Variants in CCKAR observed in about 807,000 individuals in gnomAD.
CCKAR encodes cholecystokinin A receptor.
CCKAR carries 21 observed loss-of-function variants against 29.8 expected under a neutral mutation model. That is an observed-to-expected ratio of 0.70 (90% confidence interval 0.50 to 1.01). The LOEUF (loss-of-function observed/expected upper bound fraction) is 1.01. Ranked by LOEUF, CCKAR falls within the 50% of genes least tolerant of loss-of-function variation. The pLI is 0.00. For synonymous variants in CCKAR, 238 were observed against 221.3 expected (o/e 1.08, Z -0.67); for missense variants, 570 against 560.6 (o/e 1.02, Z -0.17).
chr4:26,486,415 A>T (rs932730744), intron 2 of CCKAR, among the ~76,000 whole-genome samples: 3 of 152,238 alleles, frequency 2.0e-5, no homozygotes, highest in African/African-American at 7.2e-5. Context: ...CTTAATAGTG[A>T]AACAATCTAT....
chr4:26,481,707 G>T lies in CCKAR; in HGVS notation c.1218C>A (p.Gly406=). The change falls in exon 5 of 5, where the codon GGC becomes GGA. Residue 406 remains glycine (G), a synonymous_variant. Coordinates refer to ENST00000295589, the MANE Select transcript of CCKAR (RefSeq NM_000730.3). ...TGGACAGAGAGGCTCCTGTGGTCCCGCCTTCCTCCTCCTCCCCCACCTCTC... is the reference window on the plus strand; with the variant it reads ...TGGACAGAGAGGCTCCTGTGGTCCCTCCTTCCTCCTCCTCCCCCACCTCTC... ...ARGEVGEEEE[G]GTTGASLSRF... The T allele has an allele frequency of 6.2e-7, 1 of 1,614,180 alleles. No homozygotes were observed. Among genetic ancestry groups the T allele is most frequent in the South Asian group, 1.1e-5 (1 of 91,064 alleles).
chr4:26,481,450 A>T lies in CCKAR; in HGVS notation c.*188T>A, dbSNP rs200912014. Reference sequence around the variant, plus strand: ...GCTTTGAACTGCCTAGAAACCAATCATGGCCCCACTGGAGCAGTGCTCTGG... The same window carrying T: ...GCTTTGAACTGCCTAGAAACCAATCTTGGCCCCACTGGAGCAGTGCTCTGG... On this transcript the variant is annotated 3_prime_UTR_variant, in exon 5 of 5. Coordinates refer to ENST00000295589, the MANE Select transcript of CCKAR (RefSeq NM_000730.3). 7 of 653,400 alleles carry T rather than the reference A, an allele frequency of 1.1e-5. No homozygotes were observed. The highest frequency in any genetic ancestry group is 1.8e-5 in the African/African-American group (1 of 55,012). The allele number at this position is 653,400 out of a possible 1,614,324, so 40.5% of individuals were successfully genotyped here.
At chr4:26,489,197 GGCAA>G (rs1560370147) in intron 2 of CCKAR, 32 bp downstream of exon 2, 1 of 1,612,196 alleles carries the variant, frequency 6.2e-7, no homozygotes, top group Non-Finnish European at 8.5e-7. Flanking sequence ...TGGGGTCTGG[GGCAA>G]GCTCCAGAAA....
In CCKAR at chr4:26,490,287, C is replaced by G. The variant is rs780266352; in HGVS notation, c.-20G>C. On this transcript the variant is annotated 5_prime_UTR_variant, in exon 1 of 5. Coordinates refer to ENST00000295589, the MANE Select transcript of CCKAR (RefSeq NM_000730.3). ...ATCCATCCTTGCCTGCTGCTTTCCA[C>G]CAAGTGCTGGAGAGCTGGTGAATTG... is the stretch of plus-strand genomic sequence containing the variant. 6.6e-7 allele frequency: 1 copy of G among 1,508,376 alleles called. No individual in the cohort carries two copies. The highest frequency in any genetic ancestry group is 2.3e-5 in the East Asian group (1 of 44,366). 93.4% of individuals were successfully genotyped at this position (1,508,376 alleles called of 1,614,324 possible).
At chr4:26,489,582 A>G (rs776704711) in intron 1 of CCKAR, 98 bp from the exon 2 acceptor site, 3 of 1,378,288 alleles carry the variant, frequency 2.2e-6, no homozygotes, top group Non-Finnish European at 3.0e-6. Context: ...TTTTCCCCCC[A>G]CCGGGGTGTA....
At position 26,481,780 on chromosome 4, in the gene CCKAR, A is replaced by G; in HGVS notation, c.1145T>C (p.Met382Thr). 1 of 1,614,046 alleles carries G rather than the reference A, an allele frequency of 6.2e-7. No individual in the cohort carries two copies. Among genetic ancestry groups the G allele is most frequent in the Non-Finnish European group, 8.5e-7 (1 of 1,179,968 alleles). The change falls in exon 5 of 5, where the codon ATG becomes ACG. Residue 382 changes from methionine to threonine, a missense_variant. Transcript: ENST00000295589. ...ATTGGGGCAGCAGGGGAAGGTGGCCATGAAGCCGAGGCGGAAGCGTTTGTT... is the reference window on the plus strand; with the variant it reads ...ATTGGGGCAGCAGGGGAAGGTGGCCGTGAAGCCGAGGCGGAAGCGTTTGTT... ...FMNKRFRLGF[M>T]ATFPCCPNPG...
At chr4:26,485,045 T>A (rs927943498) in intron 3 of CCKAR, among the ~76,000 whole-genome samples, 8 of 150,756 alleles carry the variant, frequency 5.3e-5, no homozygotes, top group Admixed American at 4.6e-4. Context: ...TGCAAAAAAA[T>A]TAGCCGGGCA....
In CCKAR at chr4:26,482,519, G is replaced by A. The variant is rs377734140; in HGVS notation, c.755-349C>T. Among the ~76,000 whole-genome samples, 13 of 152,278 alleles carry A rather than the reference G, an allele frequency of 8.5e-5. No homozygotes were observed. The East Asian group carries it at 9.7e-4, about 11-fold the overall frequency. ...GGGTAAGATTCCAGATTGCTTTTAT[G>A]ATGAGGAATCTGGATAAGAAGAAAA... On this transcript the variant is annotated intron_variant, in intron 4 of 4. Transcript: ENST00000295589.
At position 26,483,441 on chromosome 4, in the gene CCKAR, G is replaced by A. The variant is rs146283594; in HGVS notation, c.627-158C>T. Among the ~76,000 whole-genome samples, 60 of 152,320 alleles carry A rather than the reference G, an allele frequency of 3.9e-4. 1 individual carries two copies. The South Asian group carries it at 9.5e-3, about 24-fold the overall frequency. On this transcript the variant is annotated intron_variant, in intron 3 of 4. Coordinates refer to ENST00000295589, the MANE Select transcript of CCKAR (RefSeq NM_000730.3). ...TGGCAACTTCATGTCTGGAGATTCAGTCATTATAAGTTGTTTACTTCTTTT... is the reference window on the plus strand; with the variant it reads ...TGGCAACTTCATGTCTGGAGATTCAATCATTATAAGTTGTTTACTTCTTTT...
intron 2 of CCKAR, among the ~76,000 whole-genome samples, chr4:26,488,240 T>C (rs1282438689): frequency 6.6e-6 from 1 of 150,708 alleles, no homozygotes; most frequent in Non-Finnish European, 1.5e-5. Flanking sequence ...TGTGTTTTTT[T>C]GTTCAACTTT....
chr4:26,484,989 C>T (rs886908834), intron 3 of CCKAR, among the ~76,000 whole-genome samples: 5 of 151,614 alleles, frequency 3.3e-5, no homozygotes, highest in Admixed American at 2.0e-4. Context: ...GTCAGGAGTT[C>T]GAAACCAGCC....
At position 26,485,734 on chromosome 4, in the gene CCKAR, G is replaced by A. The variant is rs201762260; in HGVS notation, c.529C>T (p.Pro177Ser). 3 of 1,614,002 alleles carry A rather than the reference G, an allele frequency of 1.9e-6. No individual in the cohort carries two copies. Among genetic ancestry groups the A allele is most frequent in the African/African-American group, 2.7e-5 (2 of 74,880 alleles). Reference protein sequence around the residue: ...CLSFTIMTPYPIYSNLVPFTK... With the variant: ...CLSFTIMTPYSIYSNLVPFTK... ...AAAGGCACCAAGTTGCTATAAATGG[G>A]GTACGGAGTCATGATGGTAAAGGAA... Residue 177 changes from proline (P) to serine (S), a missense_variant, in exon 3 of 5, where the codon CCC becomes TCC. Coordinates refer to ENST00000295589, the MANE Select transcript of CCKAR (RefSeq NM_000730.3).
intron 2 of CCKAR, 52 bp from the exon 3 acceptor site, chr4:26,485,950 A>T: frequency 6.4e-7 from 1 of 1,551,506 alleles, no homozygotes; most frequent in South Asian, 1.2e-5. Flanking sequence ...TCCAAAGTTT[A>T]TTTGCACATT....
intron 2 of CCKAR, 138 bp downstream of exon 2, chr4:26,489,095 A>T: frequency 9.2e-7 from 1 of 1,085,992 alleles, no homozygotes; most frequent in Non-Finnish European, 1.4e-6. Context: ...GTCCGTGCAC[A>T]CAGCCATGCA....
At chr4:26,483,111 C>G (rs1459764768) in intron 4 of CCKAR, 45 bp downstream of exon 4, 2 of 1,594,186 alleles carry the variant, frequency 1.3e-6, no homozygotes, top group Admixed American at 3.5e-5. Context: ...AGAAAACAAG[C>G]TTTTGTGCTC....
rs761118233 is a variant in CCKAR, at chr4:26,485,837, C to T, written c.426G>A (p.Ala142=). ...LVAISLERYG[A]ICKPLQSRVW... ...CCCGGGACTGTAAGGGTTTGCAAAT[C>T]GCACCATATCTCTCTAGAGATATGG... The change falls in exon 3 of 5, where the codon GCG becomes GCA. Residue 142 remains alanine (A), a synonymous_variant. Coordinates refer to ENST00000295589, the MANE Select transcript of CCKAR (RefSeq NM_000730.3). The T allele has an allele frequency of 2.5e-6, 4 of 1,613,816 alleles. No homozygotes were observed. Among genetic ancestry groups the T allele is most frequent in the African/African-American group, 1.3e-5 (1 of 74,994 alleles).
Position 26,481,971 on chromosome 4 carries a change from GA to G in CCKAR, c.953del (p.Ile318ThrfsTer56). The G allele has an allele frequency of 6.2e-7, 1 of 1,614,238 alleles. No homozygotes were observed. The highest frequency in any genetic ancestry group is 1.3e-5 in the African/African-American group (1 of 75,062). On this transcript the variant is annotated frameshift_variant, in exon 5 of 5. Transcript: ENST00000295589. LOFTEE classifies it high-confidence loss of function. ...KKRVIRMLIV[I>X]VVLFFLCWMP... Reference sequence around the variant, plus strand: ...TCCAGCACAGGAAGAAGAGGACCACGATGACGATGAGCATGCGGATCACCCT... The same window carrying G: ...TCCAGCACAGGAAGAAGAGGACCACGTGACGATGAGCATGCGGATCACCCT...
chr4:26,483,309 A>C, intron 3 of CCKAR, 26 bp from the exon 4 acceptor site: 1 of 1,610,198 alleles, frequency 6.2e-7, no homozygotes, highest in Non-Finnish European at 8.5e-7. Flanking sequence ...GAAATCCAAT[A>C]ACCAGCAACT....
intron 2 of CCKAR, among the ~76,000 whole-genome samples, chr4:26,487,303 G>C (rs1274111729): frequency 6.6e-6 from 1 of 152,098 alleles, no homozygotes; most frequent in African/African-American, 2.4e-5. Flanking sequence ...GCTTTCCTTA[G>C]AGTCTTAAAA....
Sources: gnomAD v4.1 joint callset for allele counts (sites outside exome capture counted in the v4.1 genomes callset) on GRCh38, gnomAD v4.1.1 for gene constraint, MANE v1.5 for transcripts, NCBI Gene and HGNC (gene_info 2026-07-23, HGNC 2026-07-21) for gene names.